The following P2RX7 variants were observed in gnomAD, a reference collection of about 807,000 sequenced individuals.
The protein encoded by P2RX7 is purinergic receptor P2X 7, also known as P2X purinoceptor 7.
P2RX7 carries 62 observed loss-of-function variants against 71.6 expected under a neutral mutation model. The observed-to-expected ratio is 0.87, with a 90% CI of 0.71 to 1.07. P2RX7 has a LOEUF of 1.07. Among genes scored for constraint, P2RX7 ranks in the 50% least tolerant of loss-of-function variants. The pLI is 0.00. For missense variants in P2RX7, 686 were observed against 748.5 expected (o/e 0.92, Z 0.97); for synonymous variants, 299 against 283.3 (o/e 1.06, Z -0.56).
chr12:121,136,283 G>T (rs1324456921), intron 1 of P2RX7, among the ~76,000 whole-genome samples: 1 of 151,366 alleles, frequency 6.6e-6, no homozygotes, highest in Non-Finnish European at 1.5e-5. Flanking sequence ...AGCAGGTGAT[G>T]GGACTTCCTG....
intron 1 of P2RX7, among the ~76,000 whole-genome samples, chr12:121,143,723 A>G (rs1565940496): frequency 3.3e-5 from 5 of 151,330 alleles, no homozygotes; most frequent in Admixed American, 1.3e-4. Flanking sequence ...GGTGGCAGGC[A>G]CCTATATAAT....
At chr12:121,148,135 G>A (rs1876599512) in intron 1 of P2RX7, among the ~76,000 whole-genome samples, 1 of 152,048 alleles carries the variant, frequency 6.6e-6, no homozygotes, top group Non-Finnish European at 1.5e-5. Flanking sequence ...GACATAAAGA[G>A]ATATCTAGAA....
chr12:121,147,903 G>C (rs551194445), intron 1 of P2RX7, among the ~76,000 whole-genome samples: 28 of 151,958 alleles, frequency 1.8e-4, no homozygotes, highest in African/African-American at 6.5e-4. Flanking sequence ...GTGAGCCACC[G>C]AGCCCAGCCA....
rs530562538 is a variant in P2RX7 at position 121,175,259 on chromosome 12, G to A, written c.882-129G>A. 1.2e-4 allele frequency: 69 copies of A among 563,852 alleles called. No homozygotes were observed. In the African/African-American group the frequency reaches 1.3e-3, roughly 10 times the overall value. 34.9% of individuals were successfully genotyped at this position (563,852 alleles called of 1,614,324 possible). On this transcript the variant is annotated intron_variant, in intron 8 of 12. Coordinates refer to ENST00000328963, the MANE Select transcript of P2RX7 (RefSeq NM_002562.6). ...CTAGCAAGTCAAGGCTGCAGTGAGT[G>A]GTAATCCTGCTACTGCACTCCAGCC...
At chr12:121,156,914 G>A (rs1878689558) in intron 3 of P2RX7, among the ~76,000 whole-genome samples, 1 of 152,164 alleles carries the variant, frequency 6.6e-6, no homozygotes. Flanking sequence ...AGCACTTTGG[G>A]AGGCCAAGGC....
rs778053032 is a variant in P2RX7, at chr12:121,144,146, GA to G, written c.126-10638del. 3.3e-5 allele frequency among the ~76,000 whole-genome samples: 5 copies of G among 152,300 alleles called. No individual in the cohort carries two copies. The South Asian group carries it at 6.2e-4, about 19-fold the overall frequency. On this transcript the variant is annotated intron_variant, in intron 1 of 12. Coordinates refer to ENST00000328963, the MANE Select transcript of P2RX7 (RefSeq NM_002562.6). ...ACAATCTTTCTTCTTAAACTCAGCA[GA>G]GTGAGTTCTGTTGTTTAGAACTAGA...
intron 8 of P2RX7, among the ~76,000 whole-genome samples, chr12:121,172,615 A>C (rs1326308149): frequency 6.6e-6 from 1 of 152,214 alleles, no homozygotes; most frequent in Non-Finnish European, 1.5e-5. Context: ...TGGATGACAG[A>C]GCCAGATCCT....
At chr12:121,174,017 A>G (rs1399652927) in intron 8 of P2RX7, among the ~76,000 whole-genome samples, 1 of 151,348 alleles carries the variant, frequency 6.6e-6, no homozygotes, top group African/African-American at 2.4e-5. Context: ...AACATTTTTG[A>G]AAAAAACTTT....
At chr12:121,176,464 A>G (rs1883145898) in intron 9 of P2RX7, among the ~76,000 whole-genome samples, 1 of 152,094 alleles carries the variant, frequency 6.6e-6, no homozygotes. Flanking sequence ...TAAAAACCAC[A>G]AGGCTGGGCC....
chr12:121,154,774 C>T lies in P2RX7; in HGVS notation c.126-11C>T, dbSNP rs28360444. ...GCCTCCCGTTGATGCTTTCCCATGTCTGCCATTTAGCTTTGCTCTGGTGAG... is the reference window on the plus strand; with the variant it reads ...GCCTCCCGTTGATGCTTTCCCATGTTTGCCATTTAGCTTTGCTCTGGTGAG... On this transcript the variant is annotated splice_polypyrimidine_tract_variant and intron_variant, in intron 1 of 12. Transcript: ENST00000328963. The surrounding 1 kb of genome is among the most constrained non-coding windows in gnomAD (Gnocchi z 4.2). The T allele has an allele frequency of 1.4e-3, 2,222 of 1,585,764 alleles. 26 individuals carry two copies. In the African/African-American group the frequency reaches 0.026, roughly 18 times the overall value.
intron 3 of P2RX7, among the ~76,000 whole-genome samples, chr12:121,160,174 T>G (rs781209481): frequency 1.3e-5 from 2 of 151,592 alleles, no homozygotes; most frequent in Non-Finnish European, 2.9e-5. Context: ...TTAGGTGGAG[T>G]TTTGCTCTTG....
intron 1 of P2RX7, among the ~76,000 whole-genome samples, chr12:121,138,396 G>A (rs377663920): frequency 6.6e-5 from 10 of 152,360 alleles, no homozygotes; most frequent in African/African-American, 2.4e-4. Flanking sequence ...TCCCAGGAAA[G>A]ACTCTGATTG....
Position 121,167,547 on chromosome 12 carries a change from C to G in P2RX7, c.804C>G (p.His268Gln). The G allele has an allele frequency of 6.2e-7, 1 of 1,613,748 alleles. No homozygotes were observed. ...WDCNLDRWFH[H>Q]CRPKYSFRRL... ...GCAACCTAGACCGTTGGTTCCATCA[C>G]TGCCGTCCCAAATACAGTTTCCGTC... is the stretch of plus-strand genomic sequence containing the variant. The change falls in exon 8 of 13, where the codon CAC becomes CAG. Residue 268 changes from histidine to glutamine, a missense_variant. Transcript: ENST00000328963.
chr12:121,167,292 G>A (rs77414815), intron 7 of P2RX7, among the ~76,000 whole-genome samples, 196 bp from the exon 8 acceptor site: 4,641 of 152,156 alleles, frequency 0.031, 243 homozygotes, highest in African/African-American at 0.1. Context: ...CCAGACGGGG[G>A]TAGGGAGAGT....
Position 121,177,328 on chromosome 12 carries a change from CT to C in P2RX7, c.1072del (p.Tyr358ThrfsTer41), listed in dbSNP as rs1883322798. 1 of 1,613,940 alleles carries C rather than the reference CT, an allele frequency of 6.2e-7. No individual in the cohort carries two copies. Among genetic ancestry groups the C allele is most frequent in the African/African-American group, 1.3e-5 (1 of 74,990 alleles). ...AAVFIDFLID[T>X]YSSNCCRSHI... is the part of the protein sequence containing the mutation. ...GTGTTCATCGACTTCCTCATCGACA[CT>C]TACTCCAGTAACTGCTGTCGCTCCC... On this transcript the variant is annotated frameshift_variant, in exon 11 of 13. Coordinates refer to ENST00000328963, the MANE Select transcript of P2RX7 (RefSeq NM_002562.6). LOFTEE classifies it high-confidence loss of function.
chr12:121,177,459 T>A lies in P2RX7; in HGVS notation c.1188+13T>A. ...GGAGCCAAAGCCGGTGAGGCCGCTGTGTTCACAGGACACCAAGACATGGAG... is the reference window on the plus strand; with the variant it reads ...GGAGCCAAAGCCGGTGAGGCCGCTGAGTTCACAGGACACCAAGACATGGAG... On this transcript the variant is annotated intron_variant, in intron 11 of 12. Transcript: ENST00000328963. 6.2e-7 allele frequency: 1 copy of A among 1,611,846 alleles called. No homozygotes were observed. Among genetic ancestry groups the A allele is most frequent in the Non-Finnish European group, 8.5e-7 (1 of 1,179,256 alleles).
In P2RX7 at chr12:121,186,266, T is replaced by C. The variant is rs1302282590; in HGVS notation, c.*1464T>C. ...CGCATGATACATCCCAAGTGAGAAC[T>C]GCCCCATAAATCCAGAAAACCACAT... On this transcript the variant is annotated 3_prime_UTR_variant, in exon 13 of 13. Transcript: ENST00000328963. 1 of 152,188 alleles carries C rather than the reference T, an allele frequency of 6.6e-6. No individual in the cohort carries two copies. The highest frequency in any genetic ancestry group is 1.9e-4 in the East Asian group (1 of 5,198). 9.4% of individuals were successfully genotyped at this position (152,188 alleles called of 1,614,324 possible). A position where few individuals can be genotyped will look rare whatever the true frequency, so the allele number is the denominator to read the frequency against.
intron 5 of P2RX7, among the ~76,000 whole-genome samples, chr12:121,164,247 G>C (rs1400428615): frequency 6.6e-6 from 1 of 152,170 alleles, no homozygotes; most frequent in East Asian, 1.9e-4. Flanking sequence ...TATATTATAT[G>C]AATTAGCTAA....
At position 121,162,434 on chromosome 12, in the gene P2RX7, C is replaced by T. The variant is rs200860979; in HGVS notation, c.447C>T (p.Thr149=). 65 of 1,613,840 alleles carry T rather than the reference C, an allele frequency of 4.0e-5. No individual in the cohort carries two copies. The highest frequency in any genetic ancestry group is 1.0e-4 in the Admixed American group (6 of 60,010). The stretch of plus-strand genomic sequence containing the variant: ...CTTTGACCCCTATAGGAATTCAGAC[C>T]GGAAGGTGTGTAGTGTATGAAGGGA... ...WMDPQSKGIQ[T]GRCVVYEGNQ... The change falls in exon 5 of 13, where the codon ACC becomes ACT. Residue 149 remains threonine, a synonymous_variant. Transcript: ENST00000328963.
Sources: gnomAD v4.1 joint callset for allele counts (sites outside exome capture counted in the v4.1 genomes callset) on GRCh38, gnomAD v4.1.1 for gene constraint, Gnocchi (gnomAD v3.1) non-coding constraint, MANE v1.5 for transcripts, NCBI Gene and HGNC (gene_info 2026-07-23, HGNC 2026-07-21) for gene names.